WWOX: variants seen among roughly 807,000 people sequenced by gnomAD.
WWOX encodes the protein WW domain-containing oxidoreductase.
A neutral mutation model predicts 46.2 loss-of-function variants in WWOX; 69 were observed. The observed-to-expected ratio is 1.49, with a 90% CI of 1.23 to 1.82. The LOEUF is 1.82. Ranked by LOEUF, WWOX falls within the 40% of genes most tolerant of loss-of-function variation. The probability of loss-of-function intolerance (pLI) is 0.00; values close to 1 mark genes in which losing one functional copy is unlikely to be tolerated. For synonymous variants in WWOX, 359 were observed against 202.6 expected, an observed-to-expected ratio of 1.77 and a Z score of -6.56; for missense variants, 919 against 542.6, an observed-to-expected ratio of 1.69 and a Z score of -6.89.
At chr16:79,187,284 T>C (rs2051035514) in intron 8 of WWOX, among the ~76,000 whole-genome samples, 1 of 152,212 alleles carries the variant, frequency 6.6e-6, no homozygotes, top group Admixed American at 6.5e-5. Context: ...CTATAGTGGT[T>C]ATTATTACTA....
intron 5 of WWOX, among the ~76,000 whole-genome samples, chr16:78,365,555 C>G (rs1455418006): frequency 6.6e-6 from 1 of 152,056 alleles, no homozygotes; most frequent in African/African-American, 2.4e-5. Flanking sequence ...TGTGCTGTCC[C>G]CAGTAGGATT....
At chr16:78,445,139 C>G (rs1183975825) in intron 8 of WWOX, among the ~76,000 whole-genome samples, 2 of 152,152 alleles carry the variant, frequency 1.3e-5, no homozygotes, top group Non-Finnish European at 2.9e-5. Context: ...AGAAATGATA[C>G]AGGTGTACAT....
In WWOX at chr16:78,937,929, T is replaced by C. The variant is rs185076156; in HGVS notation, c.1057-273679T>C. Among the ~76,000 whole-genome samples, 599 of 152,286 alleles carry C rather than the reference T, an allele frequency of 3.9e-3. 7 individuals carry two copies. Among genetic ancestry groups the C allele is most frequent in the African/African-American group, 0.014 (573 of 41,572 alleles). ...AGGTGTGTGCCACCATGTGTGGCTA[T>C]AGAACTTTTTAATGTGCCAAGGTCT... On this transcript the variant is annotated intron_variant, in intron 8 of 8. Transcript: ENST00000566780.
At chr16:79,003,822 G>A (rs1429650332) in intron 8 of WWOX, among the ~76,000 whole-genome samples, 1 of 152,074 alleles carries the variant, frequency 6.6e-6, no homozygotes, top group Admixed American at 6.5e-5. Flanking sequence ...CATCTTTGGG[G>A]AAGGCAGTCA....
chr16:78,108,733 A>T (rs2032310457), intron 2 of WWOX, among the ~76,000 whole-genome samples: 1 of 152,218 alleles, frequency 6.6e-6, no homozygotes, highest in South Asian at 2.1e-4. Flanking sequence ...CATGCCTGTA[A>T]TCCCAGCACT....
chr16:78,905,207 A>G (rs914165440), intron 8 of WWOX, among the ~76,000 whole-genome samples: 24 of 152,172 alleles, frequency 1.6e-4, no homozygotes, highest in African/African-American at 4.1e-4. Context: ...TTGATGGCCA[A>G]TCTCAGGAGA....
intron 8 of WWOX, among the ~76,000 whole-genome samples, chr16:78,567,446 C>T (rs191273677): frequency 7.6e-4 from 112 of 147,008 alleles, no homozygotes; most frequent in African/African-American, 2.2e-3. Context: ...CCAGCTACTC[C>T]GGAGGCTGAG....
intron 8 of WWOX, among the ~76,000 whole-genome samples, chr16:78,582,299 C>T (rs1439521438): frequency 3.3e-5 from 5 of 152,096 alleles, no homozygotes; most frequent in Admixed American, 2.6e-4. Context: ...GATTATGTTA[C>T]GCTTGTCATC....
At chr16:79,011,432 C>T (rs981263176) in intron 8 of WWOX, among the ~76,000 whole-genome samples, 6 of 150,636 alleles carry the variant, frequency 4.0e-5, no homozygotes, top group African/African-American at 2.4e-5. Flanking sequence ...TTTTCATCCC[C>T]CATAGTCTTC....
At chr16:78,914,018 A>C (rs986399049) in intron 8 of WWOX, among the ~76,000 whole-genome samples, 1 of 152,172 alleles carries the variant, frequency 6.6e-6, no homozygotes, top group African/African-American at 2.4e-5. Context: ...TTATTGGTCC[A>C]TCTGAGGATC....
intron 8 of WWOX, among the ~76,000 whole-genome samples, chr16:79,097,602 A>T (rs1296514435): frequency 1.3e-5 from 2 of 152,186 alleles, no homozygotes; most frequent in Non-Finnish European, 2.9e-5. Context: ...AGAGCCCCTC[A>T]GGTTCTGAGA....
intron 8 of WWOX, among the ~76,000 whole-genome samples, chr16:79,123,895 A>G (rs1464166940): frequency 3.9e-5 from 6 of 152,198 alleles, no homozygotes; most frequent in African/African-American, 1.4e-4. Flanking sequence ...GCATCGATGG[A>G]GGTTTGATTA....
chr16:78,661,178 A>G (rs1485475719), intron 8 of WWOX, among the ~76,000 whole-genome samples: 1 of 152,154 alleles, frequency 6.6e-6, no homozygotes, highest in African/African-American at 2.4e-5. Flanking sequence ...GTCCTCTAGA[A>G]TGGTTAAACC....
At chr16:78,649,485 C>G (rs1185235212) in intron 8 of WWOX, among the ~76,000 whole-genome samples, 1 of 152,094 alleles carries the variant, frequency 6.6e-6, no homozygotes, top group African/African-American at 2.4e-5. Context: ...CTCTGTTGCC[C>G]AGGCTGGTGT....
intron 8 of WWOX, among the ~76,000 whole-genome samples, chr16:78,545,339 C>T (rs887664295): frequency 1.3e-5 from 2 of 151,940 alleles, no homozygotes; most frequent in South Asian, 2.1e-4. Context: ...GCCTGCTCCT[C>T]GTGGGATATA....
chr16:78,867,654 C>A (rs1200713840), intron 8 of WWOX, among the ~76,000 whole-genome samples: 5 of 152,140 alleles, frequency 3.3e-5, no homozygotes, highest in Middle Eastern at 3.4e-3. Flanking sequence ...GAGTCTCCCA[C>A]CTCAGCCTCA....
intron 6 of WWOX, among the ~76,000 whole-genome samples, chr16:78,404,327 G>A (rs1329208303): frequency 1.3e-5 from 2 of 152,098 alleles, no homozygotes; most frequent in African/African-American, 4.8e-5. Context: ...TGTATGCCAA[G>A]CATAACCCTA....
intron 8 of WWOX, among the ~76,000 whole-genome samples, chr16:78,696,687 G>T (rs907175080): frequency 3.4e-5 from 5 of 146,654 alleles, no homozygotes; most frequent in East Asian, 3.9e-4. Context: ...ACCTGTTTTG[G>T]GGGGGGTACA....
intron 6 of WWOX, among the ~76,000 whole-genome samples, chr16:78,420,488 C>T (rs1168280850): frequency 6.6e-6 from 1 of 152,084 alleles, no homozygotes; most frequent in Non-Finnish European, 1.5e-5. Flanking sequence ...ACCCTGCAAA[C>T]ATCATGCCAA....
Sources: gnomAD v4.1 joint callset for allele counts (sites outside exome capture counted in the v4.1 genomes callset) on GRCh38, gnomAD v4.1.1 for gene constraint, MANE v1.5 for transcripts, NCBI Gene and HGNC (gene_info 2026-07-23, HGNC 2026-07-21) for gene names.